PLCL1: variants seen among roughly 807,000 people sequenced by gnomAD.
The protein encoded by PLCL1 is inactive phospholipase C-like protein 1.
A neutral mutation model predicts 84.4 loss-of-function variants in PLCL1; 41 were observed. That is an observed-to-expected ratio of 0.49 (90% CI 0.38 to 0.63). The LOEUF (loss-of-function observed/expected upper bound fraction) is 0.63, where lower values mean the gene tolerates loss of function less well. Ranked by LOEUF, PLCL1 falls within the 30% of genes least tolerant of loss-of-function variation. PLCL1 has a pLI of 0.00. For missense variants in PLCL1, 1,206 were observed against 1,367.8 expected (o/e 0.88, Z 1.87); for synonymous variants, 490 against 488.3 (o/e 1.00, Z -0.05).
intron 1 of PLCL1, among the ~76,000 whole-genome samples, chr2:197,867,803 C>T (rs893534608): frequency 3.9e-5 from 6 of 152,130 alleles, no homozygotes; most frequent in Admixed American, 2.6e-4. Flanking sequence ...AACCAGACGT[C>T]CTTATCAGCA....
At chr2:197,946,784 T>G (rs1689283132) in intron 1 of PLCL1, among the ~76,000 whole-genome samples, 1 of 152,210 alleles carries the variant, frequency 6.6e-6, no homozygotes, top group Admixed American at 6.5e-5. Context: ...TAGTCACAGC[T>G]AGCAATTACT....
intron 1 of PLCL1, among the ~76,000 whole-genome samples, chr2:197,977,117 T>A (rs1559062335): frequency 6.6e-6 from 1 of 152,196 alleles, no homozygotes; most frequent in Non-Finnish European, 1.5e-5. Context: ...CGCCTCCTCT[T>A]GTATTACTGA....
chr2:197,928,230 G>T (rs1688869647), intron 1 of PLCL1, among the ~76,000 whole-genome samples: 1 of 152,122 alleles, frequency 6.6e-6, no homozygotes, highest in South Asian at 2.1e-4. Context: ...CTTTGGACAA[G>T]AAATTTCTTC....
At chr2:197,821,477 G>C (rs1559015444) in intron 1 of PLCL1, among the ~76,000 whole-genome samples, 1 of 152,136 alleles carries the variant, frequency 6.6e-6, no homozygotes, top group Non-Finnish European at 1.5e-5. Context: ...AAATCAGGTA[G>C]GTGTCTCTGC....
At chr2:197,958,383 A>T (rs1689534028) in intron 1 of PLCL1, among the ~76,000 whole-genome samples, 1 of 152,032 alleles carries the variant, frequency 6.6e-6, no homozygotes, top group South Asian at 2.1e-4. Context: ...ATCGCAAAAA[A>T]AAACTCATCA....
intron 3 of PLCL1, among the ~76,000 whole-genome samples, chr2:198,091,851 A>G (rs1673794754): frequency 6.6e-6 from 1 of 152,142 alleles, no homozygotes; most frequent in South Asian, 2.1e-4. Context: ...CTGTGGCTTT[A>G]CAAGGTCATT....
chr2:198,074,612 C>T (rs1361208031), intron 1 of PLCL1, among the ~76,000 whole-genome samples: 2 of 152,152 alleles, frequency 1.3e-5, no homozygotes, highest in Non-Finnish European at 2.9e-5. Flanking sequence ...GCACTCCAGC[C>T]TGAGCGACAG....
chr2:198,034,149 C>T (rs750555766), intron 1 of PLCL1, among the ~76,000 whole-genome samples: 3 of 152,076 alleles, frequency 2.0e-5, no homozygotes, highest in Non-Finnish European at 4.4e-5. Context: ...TCCCCCTCCC[C>T]TCACCCCACA....
intron 5 of PLCL1, among the ~76,000 whole-genome samples, chr2:198,131,767 G>A (rs980827834): frequency 3.9e-5 from 6 of 152,164 alleles, no homozygotes; most frequent in African/African-American, 9.6e-5. Flanking sequence ...CAATCAAATG[G>A]TGTGGTTAAA....
At chr2:197,852,335 A>G (rs1221877751) in intron 1 of PLCL1, among the ~76,000 whole-genome samples, 1 of 152,146 alleles carries the variant, frequency 6.6e-6, no homozygotes, top group Non-Finnish European at 1.5e-5. Flanking sequence ...GAGAGTACTG[A>G]TCCTGGCTCT....
chr2:197,932,582 A>G (rs139225974), intron 1 of PLCL1, among the ~76,000 whole-genome samples: 1 of 152,022 alleles, frequency 6.6e-6, no homozygotes, highest in African/African-American at 2.4e-5. Context: ...ATGTGTTTTC[A>G]TTGTTCAGCT....
intron 1 of PLCL1, among the ~76,000 whole-genome samples, chr2:197,941,023 A>C (rs574843126): frequency 6.6e-5 from 10 of 152,250 alleles, no homozygotes; most frequent in African/African-American, 2.4e-4. Context: ...TTAAAAAAAA[A>C]CTAATAAGTA....
At chr2:198,135,162 A>G (rs1313415844) in intron 5 of PLCL1, among the ~76,000 whole-genome samples, 2 of 152,196 alleles carry the variant, frequency 1.3e-5, no homozygotes, top group Admixed American at 6.5e-5. Context: ...AGAGATTTCT[A>G]TAGAAGCTCC....
intron 1 of PLCL1, among the ~76,000 whole-genome samples, chr2:198,038,471 T>TA (rs1175176064): frequency 6.6e-6 from 1 of 152,166 alleles, no homozygotes; most frequent in Non-Finnish European, 1.5e-5. Flanking sequence ...AGTTTACTAC[T>TA]AGTGTATTTT....
At chr2:197,889,663 G>C (rs970107746) in intron 1 of PLCL1, among the ~76,000 whole-genome samples, 1 of 151,994 alleles carries the variant, frequency 6.6e-6, no homozygotes, top group Non-Finnish European at 1.5e-5. Context: ...ATTCAAAGTT[G>C]ATCCAAACTA....
intron 1 of PLCL1, among the ~76,000 whole-genome samples, chr2:198,054,719 A>T (rs1183871687): frequency 6.6e-6 from 1 of 152,218 alleles, no homozygotes; most frequent in Non-Finnish European, 1.5e-5. Flanking sequence ...AATTTCAGAG[A>T]CATTTTTGGG....
At chr2:198,037,080 C>G (rs764461665) in intron 1 of PLCL1, among the ~76,000 whole-genome samples, 1 of 152,144 alleles carries the variant, frequency 6.6e-6, no homozygotes, top group African/African-American at 2.4e-5. Flanking sequence ...GAGAATATCT[C>G]TAAAATATTT....
intron 1 of PLCL1, among the ~76,000 whole-genome samples, chr2:197,915,885 T>C (rs1688590702): frequency 6.6e-6 from 1 of 152,192 alleles, no homozygotes; most frequent in African/African-American, 2.4e-5. Flanking sequence ...TCAGTTGTTA[T>C]TGTTTCTAGA....
rs949343585 is a variant in PLCL1 at position 197,805,275 on chromosome 2, C to T, written c.176C>T (p.Ala59Val). ...CTGCCAGGCGCCGCGGGGACCCCAG[C>T]GGACAGCGAGGCGGGCCTCCTGGAG... ...VALPGAAGTP[A>V]DSEAGLLEAA... Residue 59 changes from alanine to valine, a missense_variant, in exon 1 of 6, where the codon GCG becomes GTG. Ala to Val is a moderately conservative substitution (Grantham distance 64). Coordinates refer to ENST00000428675, the MANE Select transcript of PLCL1 (RefSeq NM_006226.4). The surrounding 1 kb of genome is among the most constrained non-coding windows in gnomAD (Gnocchi z 4.0). The T allele has an allele frequency of 5.4e-6, 7 of 1,284,580 alleles. No homozygotes were observed. Among genetic ancestry groups the T allele is most frequent in the Non-Finnish European group, 6.9e-6 (7 of 1,017,812 alleles). The allele number at this position is 1,284,580 out of a possible 1,614,324, so 79.6% of individuals were successfully genotyped here.
Sources: gnomAD v4.1 joint callset for allele counts (sites outside exome capture counted in the v4.1 genomes callset) on GRCh38, gnomAD v4.1.1 for gene constraint, Gnocchi (gnomAD v3.1) non-coding constraint, MANE v1.5 for transcripts, NCBI Gene and HGNC (gene_info 2026-07-23, HGNC 2026-07-21) for gene names.